RGS7: variants seen among roughly 807,000 people sequenced by gnomAD.
RGS7 encodes the protein regulator of G protein signaling 7.
Under a neutral mutation model 81.1 loss-of-function variants are expected in RGS7, and 27 were observed. The observed-to-expected ratio is 0.33, with a 90% CI of 0.25 to 0.46. RGS7 has a LOEUF of 0.46. Among genes scored for constraint, RGS7 ranks in the 20% least tolerant of loss-of-function variants. The pLI is 1.00. For synonymous variants in RGS7, 208 were observed against 207.7 expected (o/e 1.00, Z -0.01); for missense variants, 396 against 607.4 (o/e 0.65, Z 3.66).
intron 6 of RGS7, among the ~76,000 whole-genome samples, chr1:240,905,628 G>C (rs1474928051): frequency 6.6e-6 from 1 of 152,186 alleles, no homozygotes; most frequent in South Asian, 2.1e-4. Context: ...TGGTGGATCA[G>C]ACAGAAGGAA....
intron 14 of RGS7, among the ~76,000 whole-genome samples, chr1:240,808,484 T>C (rs1402002884): frequency 6.6e-6 from 1 of 152,206 alleles, no homozygotes; most frequent in East Asian, 1.9e-4. Context: ...ATTCCCACAG[T>C]AATTCTATTA....
rs1408037935 is a variant in RGS7, at chr1:240,936,700, G to A, written c.233C>T (p.Ala78Val). 4.3e-6 allele frequency: 7 copies of A among 1,611,468 alleles called. No individual in the cohort carries two copies. The highest frequency in any genetic ancestry group is 3.3e-5 in the Admixed American group (2 of 59,994). ...AGCCATTAATGTTCCCAAATGGAGC[G>A]CCTCCACTGTTTTATGAAAACAAAC... ...KNLTIEDPVE[A>V]LHLGTLMAAH... is the part of the protein sequence containing the mutation. The change falls in exon 5 of 19, where the codon GCG (alanine) becomes GTG (valine). Residue 78 changes from alanine (A) to valine (V), a missense_variant. Coordinates refer to ENST00000440928, the MANE Select transcript of RGS7 (RefSeq NM_001364886.1).
Position 241,002,799 on chromosome 1 carries a change from G to A in RGS7, c.176-19670C>T, listed in dbSNP as rs762117643. Among the ~76,000 whole-genome samples, 8 of 152,144 alleles carry A rather than the reference G, an allele frequency of 5.3e-5. No homozygotes were observed. In the South Asian group the frequency reaches 6.2e-4, roughly 12 times the overall value. ...GCAGAAATGTAAACAGGATGTTCAC[G>A]TAAAAGTCAAATACAAATGATTCAT... On this transcript the variant is annotated intron_variant, in intron 3 of 18. Transcript: ENST00000440928.
At chr1:241,202,192 C>T (rs967609132) in intron 2 of RGS7, among the ~76,000 whole-genome samples, 1 of 152,122 alleles carries the variant, frequency 6.6e-6, no homozygotes, top group African/African-American at 2.4e-5. Context: ...ATTTCTGTAC[C>T]TGTCTCTGTG....
At position 240,853,672 on chromosome 1, in the gene RGS7, G is replaced by A. The variant is rs918579340; in HGVS notation, c.609+14915C>T. ...TGAAACCCCAGCACTTTGGGAGGCC[G>A]AGGCGGGCTGATCACGAGGGCAGGA... On this transcript the variant is annotated intron_variant, in intron 9 of 18. Coordinates refer to ENST00000440928, the MANE Select transcript of RGS7 (RefSeq NM_001364886.1). Among the ~76,000 whole-genome samples, 9 of 152,128 alleles carry A rather than the reference G, an allele frequency of 5.9e-5. 1 individual carries two copies. The East Asian group carries it at 9.7e-4, about 16-fold the overall frequency.
chr1:241,068,401 C>T (rs1442189911), intron 3 of RGS7, among the ~76,000 whole-genome samples: 1 of 151,302 alleles, frequency 6.6e-6, no homozygotes, highest in Non-Finnish European at 1.5e-5. Context: ...TATGATAGCT[C>T]ACAACCATAG....
intron 4 of RGS7, among the ~76,000 whole-genome samples, chr1:240,939,071 G>A (rs923735699): frequency 1.3e-5 from 2 of 152,266 alleles, no homozygotes; most frequent in Non-Finnish European, 1.5e-5. Flanking sequence ...CAGGATTGAC[G>A]TGAGAATGAC....
chr1:241,152,228 G>T (rs941335918), intron 2 of RGS7, among the ~76,000 whole-genome samples: 1 of 151,302 alleles, frequency 6.6e-6, no homozygotes, highest in Non-Finnish European at 1.5e-5. Flanking sequence ...ACGTATGTTT[G>T]ATACTCTTAA....
At chr1:241,101,444 C>T (rs1394070674) in intron 2 of RGS7, among the ~76,000 whole-genome samples, 2 of 151,352 alleles carry the variant, frequency 1.3e-5, no homozygotes, top group African/African-American at 4.9e-5. Flanking sequence ...TGCAGTGAGC[C>T]GAGATCATAC....
chr1:241,343,012 C>G lies in RGS7; in HGVS notation c.78+12687G>C, dbSNP rs188833431. Among the ~76,000 whole-genome samples, 122 of 152,210 alleles carry G rather than the reference C, an allele frequency of 8.0e-4. 3 individuals carry two copies. In the South Asian group the frequency reaches 0.016, roughly 20 times the overall value. Reference sequence around the variant, plus strand: ...GTGCGGTGGCTCACACCTGGAATCTCAGCACTTTCGGAGGCAGAGGCAGGA... The same window carrying G: ...GTGCGGTGGCTCACACCTGGAATCTGAGCACTTTCGGAGGCAGAGGCAGGA... On this transcript the variant is annotated intron_variant, in intron 2 of 18. Coordinates refer to ENST00000440928, the MANE Select transcript of RGS7 (RefSeq NM_001364886.1).
intron 2 of RGS7, among the ~76,000 whole-genome samples, chr1:241,331,794 G>C (rs1558327285): frequency 6.6e-6 from 1 of 152,170 alleles, no homozygotes; most frequent in African/African-American, 2.4e-5. Flanking sequence ...CAGATATCCA[G>C]AGTTAGGGAG....
rs1378433817 is a variant in RGS7, at chr1:240,802,165, C to T, written c.1360-657G>A. On this transcript the variant is annotated intron_variant, in intron 16 of 18. Coordinates refer to ENST00000440928, the MANE Select transcript of RGS7 (RefSeq NM_001364886.1). ...TAGCCTACATGACGATCATGAACTA[C>T]ACAAAATTATAATTTAAACTCAGAG... Among the ~76,000 whole-genome samples the T allele has an allele frequency of 2.0e-5, 3 of 152,116 alleles. No individual in the cohort carries two copies. In the South Asian group the frequency reaches 6.2e-4, roughly 31 times the overall value.
At chr1:241,158,847 GC>G (rs1217563500) in intron 2 of RGS7, among the ~76,000 whole-genome samples, 3 of 152,134 alleles carry the variant, frequency 2.0e-5, no homozygotes, top group Non-Finnish European at 4.4e-5. Flanking sequence ...AATCCCAAAA[GC>G]CACATTGAAG....
In RGS7 at chr1:241,155,963, C is replaced by T. The variant is rs1010228977; in HGVS notation, c.79-57201G>A. 3.9e-5 allele frequency among the ~76,000 whole-genome samples: 6 copies of T among 152,112 alleles called. No homozygotes were observed. The Middle Eastern group carries it at 0.01, about 260-fold the overall frequency. ...TGACTAGATAAAATTATAGTAACTACCACAGGGATTATGATTCCTAGTCAA... is the reference window on the plus strand; with the variant it reads ...TGACTAGATAAAATTATAGTAACTATCACAGGGATTATGATTCCTAGTCAA... On this transcript the variant is annotated intron_variant, in intron 2 of 18. Coordinates refer to ENST00000440928, the MANE Select transcript of RGS7 (RefSeq NM_001364886.1).
At chr1:241,316,507 G>A (rs913994775) in intron 2 of RGS7, among the ~76,000 whole-genome samples, 6 of 152,122 alleles carry the variant, frequency 3.9e-5, no homozygotes, top group African/African-American at 9.7e-5. Context: ...GGAGATTCCC[G>A]GATTTGAGGA....
At chr1:241,016,166 T>G (rs542204089) in intron 3 of RGS7, among the ~76,000 whole-genome samples, 1 of 152,264 alleles carries the variant, frequency 6.6e-6, no homozygotes, top group African/African-American at 2.4e-5. Context: ...TGAAAAATTA[T>G]GAAGATTTGG....
chr1:241,046,572 A>G (rs1207210979), intron 3 of RGS7, among the ~76,000 whole-genome samples: 2 of 152,190 alleles, frequency 1.3e-5, no homozygotes, highest in South Asian at 2.1e-4. Context: ...GTTATTCTAC[A>G]TCTTTTCTTC....
chr1:241,183,050 C>A (rs529463990), intron 2 of RGS7, among the ~76,000 whole-genome samples: 1 of 151,588 alleles, frequency 6.6e-6, no homozygotes, highest in Non-Finnish European at 1.5e-5. Context: ...CTGCTGTGTG[C>A]TTGCTAGTCC....
intron 2 of RGS7, among the ~76,000 whole-genome samples, chr1:241,125,956 G>T (rs1044124300): frequency 1.3e-5 from 2 of 152,104 alleles, no homozygotes; most frequent in Non-Finnish European, 2.9e-5. Context: ...CCAGAGAGAT[G>T]GAAGTTAAGT....
Sources: allele counts gnomAD v4.1 joint callset (sites outside exome capture counted in the v4.1 genomes callset), GRCh38; gene constraint gnomAD v4.1.1; transcripts MANE v1.5; gene names NCBI Gene and HGNC (gene_info 2026-07-23, HGNC 2026-07-21).